Variants in MAGI2 observed in about 807,000 individuals in gnomAD.
MAGI2 encodes membrane-associated guanylate kinase, WW and PDZ domain-containing protein 2.
A neutral mutation model predicts 133.3 loss-of-function variants in MAGI2; 35 were observed. The observed-to-expected ratio is 0.26, with a 90% CI of 0.20 to 0.35. The LOEUF is 0.35. Ranked by LOEUF, MAGI2 falls within the 10% of genes least tolerant of loss-of-function variation. MAGI2 has a pLI of 1.00. For synonymous variants in MAGI2, 729 were observed against 710.6 expected (o/e 1.03, Z -0.41); for missense variants, 1,636 against 1,863.4 (o/e 0.88, Z 2.25).
intron 1 of MAGI2, among the ~76,000 whole-genome samples, chr7:79,031,227 A>G (rs1337771157): frequency 3.3e-5 from 5 of 152,120 alleles, no homozygotes; most frequent in Non-Finnish European, 7.4e-5. Flanking sequence ...CATTCTCATC[A>G]TTCACCATTC....
At chr7:78,863,821 C>T (rs1466155000) in intron 2 of MAGI2, among the ~76,000 whole-genome samples, 1 of 152,194 alleles carries the variant, frequency 6.6e-6, no homozygotes, top group East Asian at 1.9e-4. Flanking sequence ...TCCTGTTTAT[C>T]CACTTTTATC....
intron 3 of MAGI2, among the ~76,000 whole-genome samples, chr7:78,596,600 TCCA>T (rs1341590247): frequency 6.6e-6 from 1 of 152,132 alleles, no homozygotes; most frequent in East Asian, 1.9e-4. Context: ...ATTAATTAGG[TCCA>T]CCATGGTAGG....
chr7:78,330,259 C>CT (rs1314804981), intron 9 of MAGI2, among the ~76,000 whole-genome samples: 1 of 152,132 alleles, frequency 6.6e-6, no homozygotes, highest in Non-Finnish European at 1.5e-5. Context: ...ATAGAAGACT[C>CT]TATGATGATT....
chr7:78,446,719 C>G (rs1477118226), intron 6 of MAGI2, among the ~76,000 whole-genome samples: 1 of 151,858 alleles, frequency 6.6e-6, no homozygotes, highest in African/African-American at 2.4e-5. Flanking sequence ...TTCATTAATA[C>G]TCACATATGA....
chr7:78,251,446 C>A (rs1378803333), intron 10 of MAGI2: 1 of 152,078 alleles, frequency 6.6e-6, no homozygotes, highest in Non-Finnish European at 1.5e-5. Flanking sequence ...GTCTTTATTA[C>A]CAGATGGTAT....
chr7:78,107,491 T>G (rs1818817176), intron 20 of MAGI2, among the ~76,000 whole-genome samples: 1 of 152,184 alleles, frequency 6.6e-6, no homozygotes, highest in Non-Finnish European at 1.5e-5. Flanking sequence ...ATAAAACATT[T>G]CCTGTGTGTG....
At chr7:78,382,534 C>T (rs1205189277) in intron 6 of MAGI2, among the ~76,000 whole-genome samples, 2 of 151,918 alleles carry the variant, frequency 1.3e-5, no homozygotes, top group Admixed American at 1.3e-4. Context: ...CATTGAGGTT[C>T]AAAAGAGAAA....
intron 1 of MAGI2, among the ~76,000 whole-genome samples, chr7:79,236,813 T>C (rs2129554690): frequency 6.6e-6 from 1 of 152,334 alleles, no homozygotes; most frequent in South Asian, 2.1e-4. Context: ...ATTAACCATA[T>C]GTGTAAAGTG....
chr7:78,204,640 C>T (rs775511921), intron 10 of MAGI2, among the ~76,000 whole-genome samples: 3 of 151,952 alleles, frequency 2.0e-5, no homozygotes, highest in East Asian at 1.9e-4. Context: ...TCATGTTTTT[C>T]GTACTGATCA....
At chr7:78,193,952 AG>A (rs1828477163) in intron 12 of MAGI2, among the ~76,000 whole-genome samples, 1 of 152,188 alleles carries the variant, frequency 6.6e-6, no homozygotes, top group African/African-American at 2.4e-5. Context: ...TCATCAAAAG[AG>A]TAAGCAGATT....
At chr7:78,821,496 G>T (rs936344438) in intron 2 of MAGI2, among the ~76,000 whole-genome samples, 1 of 151,950 alleles carries the variant, frequency 6.6e-6, no homozygotes. Flanking sequence ...CGTTTTAAAT[G>T]CATAACAAAA....
chr7:78,938,629 C>T (rs1487847348), intron 2 of MAGI2, among the ~76,000 whole-genome samples: 1 of 152,060 alleles, frequency 6.6e-6, no homozygotes. Context: ...AACTAACTGA[C>T]TGAAATTTAC....
chr7:79,069,457 T>C (rs2117141096), intron 1 of MAGI2, among the ~76,000 whole-genome samples: 1 of 152,316 alleles, frequency 6.6e-6, no homozygotes, highest in Non-Finnish European at 1.5e-5. Flanking sequence ...TTGGTAAATA[T>C]TCCTCCATCC....
At chr7:78,223,738 T>C (rs1275763325) in intron 10 of MAGI2, among the ~76,000 whole-genome samples, 2 of 152,182 alleles carry the variant, frequency 1.3e-5, no homozygotes, top group Non-Finnish European at 2.9e-5. Context: ...CTGCCCCTTT[T>C]TTTTCACAAT....
chr7:78,942,118 T>C (rs1370428211), intron 2 of MAGI2, among the ~76,000 whole-genome samples: 1 of 152,196 alleles, frequency 6.6e-6, no homozygotes, highest in Non-Finnish European at 1.5e-5. Context: ...AAGTCCAGTA[T>C]ATTAGCTACA....
intron 7 of MAGI2, chr7:78,347,081 G>C (rs924306343): frequency 2.0e-5 from 3 of 152,188 alleles, no homozygotes; most frequent in Admixed American, 2.0e-4. Flanking sequence ...CACATGTCTC[G>C]TAAGTGGAAA....
At chr7:78,220,877 A>G (rs1315567348) in intron 10 of MAGI2, among the ~76,000 whole-genome samples, 1 of 152,168 alleles carries the variant, frequency 6.6e-6, no homozygotes, top group Non-Finnish European at 1.5e-5. Flanking sequence ...TTGAGCTTTG[A>G]CTGTGTGCCA....
chr7:78,892,493 C>T (rs534825472), intron 2 of MAGI2, among the ~76,000 whole-genome samples: 2 of 152,104 alleles, frequency 1.3e-5, no homozygotes, highest in South Asian at 2.1e-4. Flanking sequence ...TACAAGGCTA[C>T]AGTAACCAAA....
intron 1 of MAGI2, among the ~76,000 whole-genome samples, chr7:79,371,510 T>C (rs543990437): frequency 6.6e-6 from 1 of 152,282 alleles, no homozygotes; most frequent in African/African-American, 2.4e-5. Flanking sequence ...TTTAGATATG[T>C]TTATACATAC....
Sources: gnomAD v4.1 joint callset for allele counts (sites outside exome capture counted in the v4.1 genomes callset) on GRCh38, gnomAD v4.1.1 for gene constraint, MANE v1.5 for transcripts, NCBI Gene and HGNC (gene_info 2026-07-23, HGNC 2026-07-21) for gene names.